PACC1: variants seen among roughly 807,000 people sequenced by gnomAD.
PACC1 encodes the protein proton activated chloride channel 1, also known as proton-activated chloride channel.
PACC1 carries 34 observed loss-of-function variants against 39.7 expected under a neutral mutation model. The observed-to-expected ratio is 0.86, with a 90% CI of 0.65 to 1.14. PACC1 has a LOEUF of 1.14. PACC1 is among the 50% of genes most tolerant of loss of function. PACC1 has a pLI of 0.00. For missense variants in PACC1, 379 were observed against 436.4 expected (o/e 0.87, Z 1.17); for synonymous variants, 127 against 160.6 (o/e 0.79, Z 1.58).
At chr1:212,408,517 C>A (rs1201521584) in intron 2 of PACC1, among the ~76,000 whole-genome samples, 2 of 152,032 alleles carry the variant, frequency 1.3e-5, no homozygotes, top group African/African-American at 4.8e-5. Context: ...TGTGCCACCA[C>A]ACCTGGCTAA....
chr1:212,368,801 G>A (rs1412855098), intron 7 of PACC1, among the ~76,000 whole-genome samples: 1 of 152,172 alleles, frequency 6.6e-6, no homozygotes, highest in Non-Finnish European at 1.5e-5. Flanking sequence ...GGGAGGCCGA[G>A]GCGGGCGGAT....
chr1:212,382,904 C>T (rs1003100367), intron 4 of PACC1, among the ~76,000 whole-genome samples: 2 of 152,210 alleles, frequency 1.3e-5, no homozygotes, highest in African/African-American at 4.8e-5. Flanking sequence ...CAGGTTCAAA[C>T]CAAGGAGCTT....
chr1:212,372,287 AAAAAAAAC>A (rs1202889812), intron 7 of PACC1, among the ~76,000 whole-genome samples: 23 of 148,728 alleles, frequency 1.5e-4, no homozygotes, highest in South Asian at 6.2e-4. Flanking sequence ...TGTGTCAAAA[AAAAAAAAC>A]AAAAAACAAA....
chr1:212,385,150 G>T, intron 4 of PACC1, 124 bp downstream of exon 4: 3 of 1,111,590 alleles, frequency 2.7e-6, no homozygotes, highest in South Asian at 1.5e-5. Context: ...ATGTCTCCTT[G>T]GGGACTAAGG....
rs534281323 is a variant in PACC1, at chr1:212,411,696, T to C, written c.37-1175A>G. Among the ~76,000 whole-genome samples the C allele has an allele frequency of 3.3e-3, 499 of 152,316 alleles. 5 individuals carry two copies. Among genetic ancestry groups the C allele is most frequent in the African/African-American group, 0.011 (476 of 41,578 alleles). On this transcript the variant is annotated intron_variant, in intron 1 of 7. Coordinates refer to ENST00000261455, the MANE Select transcript of PACC1 (RefSeq NM_018252.3). ...TCAGTGTTTAAGGTTTTAAGGTTTCTAGACATTTTCATTAAAAACTCACCT... is the reference window on the plus strand; with the variant it reads ...TCAGTGTTTAAGGTTTTAAGGTTTCCAGACATTTTCATTAAAAACTCACCT...
intron 1 of PACC1, among the ~76,000 whole-genome samples, chr1:212,411,351 C>T (rs1662121737): frequency 6.6e-6 from 1 of 152,080 alleles, no homozygotes; most frequent in African/African-American, 2.4e-5. Flanking sequence ...TGGCTGAAGT[C>T]CACTGACTTG....
At chr1:212,387,441 T>C (rs1314613020) in intron 2 of PACC1, among the ~76,000 whole-genome samples, 2 of 152,344 alleles carry the variant, frequency 1.3e-5, no homozygotes, top group Admixed American at 6.5e-5. Flanking sequence ...GTTTACTCTC[T>C]AGAGGGATAG....
chr1:212,413,854 G>C, intron 1 of PACC1: 1 of 1,508,414 alleles, frequency 6.6e-7, no homozygotes, highest in Non-Finnish European at 8.8e-7. Context: ...ATCGCACTCA[G>C]AGGTTACAGC....
chr1:212,391,743 T>C (rs1319943031), intron 2 of PACC1, among the ~76,000 whole-genome samples: 1 of 152,084 alleles, frequency 6.6e-6, no homozygotes, highest in African/African-American at 2.4e-5. Context: ...AGAGAAGTCC[T>C]TAAAGGACCT....
chr1:212,413,988 A>C, intron 1 of PACC1: 1 of 1,535,868 alleles, frequency 6.5e-7, no homozygotes, highest in Non-Finnish European at 8.7e-7. Context: ...TTGGGGGCCG[A>C]GAAGTGGAGG....
At chr1:212,369,102 G>A (rs186347904) in intron 7 of PACC1, among the ~76,000 whole-genome samples, 2 of 151,814 alleles carry the variant, frequency 1.3e-5, no homozygotes, top group Middle Eastern at 3.4e-3. Flanking sequence ...GTATGGAGTT[G>A]AAGTGTAGTT....
chr1:212,366,796 A>G (rs867147453), intron 7 of PACC1, among the ~76,000 whole-genome samples: 5 of 152,148 alleles, frequency 3.3e-5, no homozygotes, highest in East Asian at 1.9e-4. Flanking sequence ...TCTTGATTCA[A>G]TAAGCCTCTG....
intron 7 of PACC1, among the ~76,000 whole-genome samples, chr1:212,372,087 C>T (rs956716820): frequency 3.9e-5 from 6 of 152,010 alleles, no homozygotes; most frequent in Non-Finnish European, 8.8e-5. Flanking sequence ...GAGTTTGAGA[C>T]CAGCCTGGCC....
chr1:212,365,907 A>G (rs1660223949), intron 7 of PACC1, among the ~76,000 whole-genome samples: 1 of 152,188 alleles, frequency 6.6e-6, no homozygotes, highest in Non-Finnish European at 1.5e-5. Context: ...CCAGTCCATA[A>G]GAAGGTGAGC....
At chr1:212,391,399 ACT>A (rs1661315188) in intron 2 of PACC1, among the ~76,000 whole-genome samples, 1 of 152,210 alleles carries the variant, frequency 6.6e-6, no homozygotes, top group Non-Finnish European at 1.5e-5. Context: ...TAGAAGGAAA[ACT>A]AACAAACAGA....
chr1:212,377,681 C>CCTG lies in PACC1; in HGVS notation c.661_663dup (p.Gln221dup). On this transcript the variant is annotated inframe_insertion, in exon 6 of 8. Transcript: ENST00000261455. Reference sequence around the variant, plus strand: ...CAGCTGGAATAGGCACTCTCACAGGCCTGCATGAAGCCTACCCTGTTTGGG... The same window carrying CCTG: ...CAGCTGGAATAGGCACTCTCACAGGCCTGCTGCATGAAGCCTACCCTGTTTGGG... The CCTG allele has an allele frequency of 1.9e-6, 3 of 1,614,156 alleles. No homozygotes were observed. The highest frequency in any genetic ancestry group is 2.5e-6 in the Non-Finnish European group (3 of 1,180,012).
chr1:212,365,236 C>T lies in PACC1; in HGVS notation c.1032G>A (p.Gln344=), dbSNP rs768265470. ...IRKRYLKRRG[Q]ATSHIS ...GACTTCAGCTTATGTGGCTCGTTGC[C>T]TGACCTCTTCTTTTAAGGTATCTCT... is the stretch of plus-strand genomic sequence containing the variant. Residue 344 remains glutamine, a synonymous_variant, in exon 8 of 8, where the codon CAG becomes CAA. Transcript: ENST00000261455. 9 of 1,613,720 alleles carry T rather than the reference C, an allele frequency of 5.6e-6. No individual in the cohort carries two copies. The highest frequency in any genetic ancestry group is 7.6e-6 in the Non-Finnish European group (9 of 1,179,898).
chr1:212,411,569 G>A (rs1338920586), intron 1 of PACC1, among the ~76,000 whole-genome samples: 1 of 152,146 alleles, frequency 6.6e-6, no homozygotes, highest in African/African-American at 2.4e-5. Flanking sequence ...GGATTAAGGA[G>A]GAGGGCAAGA....
intron 7 of PACC1, among the ~76,000 whole-genome samples, chr1:212,370,521 T>C (rs1660410146): frequency 6.6e-6 from 1 of 152,186 alleles, no homozygotes; most frequent in African/African-American, 2.4e-5. Flanking sequence ...CATGGAACAT[T>C]CTCCAGGGGA....
Sources: allele counts gnomAD v4.1 joint callset (sites outside exome capture counted in the v4.1 genomes callset), GRCh38; gene constraint gnomAD v4.1.1; transcripts MANE v1.5; gene names NCBI Gene and HGNC (gene_info 2026-07-23, HGNC 2026-07-21).